Variants in LCOR observed in about 807,000 individuals in gnomAD.
LCOR encodes ligand dependent nuclear receptor corepressor, also known as ligand-dependent corepressor.
LCOR carries 14 observed loss-of-function variants against 64.4 expected under a neutral mutation model. That is an observed-to-expected ratio of 0.22 (90% CI 0.14 to 0.34). The LOEUF (loss-of-function observed/expected upper bound fraction) is 0.34, where lower values mean the gene tolerates loss of function less well. Among genes scored for constraint, LCOR ranks in the 10% least tolerant of loss-of-function variants. The pLI, the probability that LCOR is intolerant of heterozygous loss-of-function variation, is 1.00. For synonymous variants in LCOR, 643 were observed against 642.5 expected (o/e 1.00, Z -0.01); for missense variants, 1,686 against 1,765.3 (o/e 0.96, Z 0.80).
chr10:96,876,453 G>T (rs1846165439), intron 2 of LCOR, among the ~76,000 whole-genome samples: 1 of 152,008 alleles, frequency 6.6e-6, no homozygotes. Context: ...AAATGGGAAA[G>T]GCCTTTAAAT....
intron 7 of LCOR, among the ~76,000 whole-genome samples, chr10:96,971,657 C>T (rs1313177367): frequency 6.6e-6 from 1 of 152,050 alleles, no homozygotes; most frequent in African/African-American, 2.4e-5. Flanking sequence ...AGGAAAGTAA[C>T]CAGATGAGAT....
rs779358670 is a variant in LCOR, at chr10:96,981,488, T to G, written c.1028T>G (p.Leu343Trp). Residue 343 changes from leucine to tryptophan, a missense_variant, in exon 8 of 8, where the codon TTG becomes TGG. Coordinates refer to ENST00000421806, the MANE Select transcript of LCOR (RefSeq NM_001346516.2). ...ACCTGTATTATTCCTCAAAGAAATTTGTTCAAAGCTTTATCAGAAGAGGCT... is the reference window on the plus strand; with the variant it reads ...ACCTGTATTATTCCTCAAAGAAATTGGTTCAAAGCTTTATCAGAAGAGGCT... ...GNTCIIPQRN[L>W]FKALSEEAWN... is the part of the protein sequence containing the mutation. 5 of 1,614,108 alleles carry G rather than the reference T, an allele frequency of 3.1e-6. No homozygotes were observed. The highest frequency in any genetic ancestry group is 1.3e-5 in the African/African-American group (1 of 74,948).
chr10:96,878,381 A>G (rs949732618), intron 2 of LCOR, among the ~76,000 whole-genome samples: 3 of 152,222 alleles, frequency 2.0e-5, no homozygotes, highest in Non-Finnish European at 4.4e-5. Context: ...CTAGTAGAGG[A>G]CAGAAGTGAT....
intron 2 of LCOR, among the ~76,000 whole-genome samples, chr10:96,843,544 A>G (rs1845577310): frequency 6.6e-6 from 1 of 152,222 alleles, no homozygotes; most frequent in Non-Finnish European, 1.5e-5. Flanking sequence ...AAAGCTAGAA[A>G]GGATGACGTA....
intron 2 of LCOR, among the ~76,000 whole-genome samples, chr10:96,836,467 T>C (rs1411796757): frequency 2.6e-5 from 4 of 152,218 alleles, no homozygotes; most frequent in African/African-American, 9.7e-5. Flanking sequence ...GTTAGGTGTT[T>C]ACTTCATTTA....
At chr10:96,912,484 C>T (rs1403591243) in intron 4 of LCOR, among the ~76,000 whole-genome samples, 3 of 152,236 alleles carry the variant, frequency 2.0e-5, no homozygotes, top group Non-Finnish European at 4.4e-5. Flanking sequence ...TCCAGGATTA[C>T]AGTCTGACTG....
At chr10:96,861,233 T>A (rs758008651) in intron 2 of LCOR, among the ~76,000 whole-genome samples, 3 of 152,222 alleles carry the variant, frequency 2.0e-5, no homozygotes, top group Non-Finnish European at 4.4e-5. Context: ...ATGCAAGTAC[T>A]TTTAAATACA....
chr10:96,920,626 ATG>A (rs1436535784), intron 4 of LCOR, among the ~76,000 whole-genome samples: 7 of 145,542 alleles, frequency 4.8e-5, no homozygotes, highest in African/African-American at 1.0e-4. Flanking sequence ...GTATATATGT[ATG>A]TACATTCATA....
chr10:96,869,147 T>A (rs1564609402), intron 2 of LCOR, among the ~76,000 whole-genome samples: 6 of 151,624 alleles, frequency 4.0e-5, no homozygotes. Context: ...CCTCAAGTGA[T>A]CCCCCCGCTT....
chr10:96,948,929 T>C, intron 5 of LCOR, 79 bp from the exon 6 acceptor site: 1 of 1,088,332 alleles, frequency 9.2e-7, no homozygotes, highest in Non-Finnish European at 1.3e-6. Context: ...AAAAATAAAA[T>C]GAAATTTTAT....
intron 7 of LCOR, among the ~76,000 whole-genome samples, chr10:96,971,924 T>A (rs1458998082): frequency 6.6e-6 from 1 of 152,190 alleles, no homozygotes; most frequent in East Asian, 1.9e-4. Context: ...AGTTACATTT[T>A]GTCTTCCAAG....
intron 2 of LCOR, among the ~76,000 whole-genome samples, chr10:96,903,341 C>T (rs1198156477): frequency 2.0e-5 from 3 of 152,080 alleles, no homozygotes; most frequent in South Asian, 2.1e-4. Flanking sequence ...TTTTCAGCTC[C>T]GTTATAATTT....
At chr10:96,861,081 A>C (rs1233388530) in intron 2 of LCOR, among the ~76,000 whole-genome samples, 4 of 152,204 alleles carry the variant, frequency 2.6e-5, no homozygotes, top group Non-Finnish European at 5.9e-5. Context: ...CTTTGAAAAA[A>C]ACGTAATGAA....
chr10:96,914,007 A>G (rs1846893118), intron 4 of LCOR, among the ~76,000 whole-genome samples: 1 of 152,116 alleles, frequency 6.6e-6, no homozygotes, highest in Non-Finnish European at 1.5e-5. Context: ...CAGGGCATTT[A>G]TTTTTGGAAG....
rs1310747719 is a variant in LCOR, at chr10:96,952,214, TA to T, written c.332+19del. 3.9e-6 allele frequency: 6 copies of T among 1,538,658 alleles called. No homozygotes were observed. Among genetic ancestry groups the T allele is most frequent in the Admixed American group, 3.4e-5 (2 of 59,630 alleles). ...GGGAACGGGTAAGGGAGAATATTTG[TA>T]GCCTTACACAGTTTCATATAGATAA... On this transcript the variant is annotated intron_variant, in intron 7 of 7. Coordinates refer to ENST00000421806, the MANE Select transcript of LCOR (RefSeq NM_001346516.2).
intron 2 of LCOR, among the ~76,000 whole-genome samples, chr10:96,882,100 C>G (rs1045383654): frequency 6.6e-6 from 1 of 151,918 alleles, no homozygotes; most frequent in Non-Finnish European, 1.5e-5. Context: ...ATTAATTATT[C>G]GAACTAATAA....
chr10:96,879,508 C>T (rs12258355), intron 2 of LCOR, among the ~76,000 whole-genome samples: 29,821 of 151,990 alleles, frequency 0.2, 5,053 homozygotes, highest in African/African-American at 0.46. Context: ...GTTATTTTCA[C>T]AATATAAAAA....
intron 6 of LCOR, 30 bp from the exon 7 acceptor site, chr10:96,952,073 A>G: frequency 1.3e-6 from 2 of 1,519,896 alleles, no homozygotes; most frequent in East Asian, 2.3e-5. Flanking sequence ...AGCTTTTAAT[A>G]TCCTCAGGTG....
intron 2 of LCOR, among the ~76,000 whole-genome samples, chr10:96,905,770 TAAAG>T (rs1460693541): frequency 2.0e-5 from 3 of 152,118 alleles, no homozygotes; most frequent in Non-Finnish European, 4.4e-5. Context: ...TGATGGGAAT[TAAAG>T]AGAGTTGAAA....
Sources: allele counts gnomAD v4.1 joint callset (sites outside exome capture counted in the v4.1 genomes callset), GRCh38; gene constraint gnomAD v4.1.1; transcripts MANE v1.5; gene names NCBI Gene and HGNC (gene_info 2026-07-23, HGNC 2026-07-21).